CLEC11A: variants seen among roughly 807,000 people sequenced by gnomAD.
CLEC11A encodes the protein C-type lectin domain family 11 member A.
In CLEC11A, 35 loss-of-function variants were observed where a neutral mutation model predicts 33.9. The observed-to-expected ratio is 1.03, with a 90% CI of 0.79 to 1.37. The LOEUF (loss-of-function observed/expected upper bound fraction) is 1.37, where lower values mean the gene tolerates loss of function less well. Ranked by LOEUF, CLEC11A falls within the 40% of genes most tolerant of loss-of-function variation. The pLI is 0.00. For missense variants in CLEC11A, 519 were observed against 455.5 expected, an observed-to-expected ratio of 1.14 and a Z score of -1.27; for synonymous variants, 220 against 202.2, an observed-to-expected ratio of 1.09 and a Z score of -0.75.
At position 50,725,604 on chromosome 19, in the gene CLEC11A, C is replaced by T; in HGVS notation, c.*137C>T. 1 of 1,416,288 alleles carries T rather than the reference C, an allele frequency of 7.1e-7. No individual in the cohort carries two copies. The highest frequency in any genetic ancestry group is 9.3e-7 in the Non-Finnish European group (1 of 1,074,356). The allele number at this position is 1,416,288 out of a possible 1,614,324, so 87.7% of individuals were successfully genotyped here. A position where few individuals can be genotyped will look rare whatever the true frequency, so the allele number is the denominator to read the frequency against. Reference sequence around the variant, plus strand: ...TCCCCGACCCCCAGTCTGGGCGCTTCTGGGAGGGCTCTTGCGGTGCCGGCA... The same window carrying T: ...TCCCCGACCCCCAGTCTGGGCGCTTTTGGGAGGGCTCTTGCGGTGCCGGCA... On this transcript the variant is annotated 3_prime_UTR_variant, in exon 4 of 4. Coordinates refer to ENST00000250340, the MANE Select transcript of CLEC11A (RefSeq NM_002975.3).
chr19:50,724,295 G>GCCC lies in CLEC11A; in HGVS notation c.335-109_335-107dup. 1 of 1,130,926 alleles carries GCCC rather than the reference G, an allele frequency of 8.8e-7. No homozygotes were observed. The highest frequency in any genetic ancestry group is 1.2e-6 in the Non-Finnish European group (1 of 830,042). The allele number at this position is 1,130,926 out of a possible 1,614,324, so 70.1% of individuals were successfully genotyped here. ...ACCCTACCTTCCAGGAGTCCGGGGT[G>GCCC]CCCCCCCCACCGCCACCCCGCCCTC... On this transcript the variant is annotated intron_variant, in intron 2 of 3. Transcript: ENST00000250340. This position sits in a 1 kb window ranked among gnomAD's most constrained non-coding sequence, Gnocchi z 4.1.
rs2089158280 is a variant in CLEC11A, at chr19:50,723,536, C to T, written c.11C>T (p.Ala4Val). The T allele has an allele frequency of 6.2e-7, 1 of 1,612,146 alleles. No homozygotes were observed. Residue 4 changes from alanine to valine, a missense_variant, in exon 1 of 4, where the codon GCC becomes GTC. Ala to Val is a moderately conservative substitution (Grantham distance 64, BLOSUM62 0). Transcript: ENST00000250340. The surrounding 1 kb of genome is among the most constrained non-coding windows in gnomAD (Gnocchi z 4.1). ...CAAGAGTCCAGCTTAATGCAGGCAGCCTGGCTTTTGGGGGCTTTGGTGGTC... is the reference window on the plus strand; with the variant it reads ...CAAGAGTCCAGCTTAATGCAGGCAGTCTGGCTTTTGGGGGCTTTGGTGGTC... MQA[A>V]WLLGALVVPQ... is the part of the protein sequence containing the mutation.
Position 50,725,218 on chromosome 19 carries a change from C to T in CLEC11A, c.723C>T (p.Gly241=). 2 of 1,596,008 alleles carry T rather than the reference C, an allele frequency of 1.3e-6. No homozygotes were observed. The highest frequency in any genetic ancestry group is 1.7e-6 in the Non-Finnish European group (2 of 1,172,538). ...CCTACAACTGGCCCGTGTGGCTGGG[C>T]GTGCACGATCGGCGCGCCGAGGGCC... ...LAPYNWPVWL[G]VHDRRAEGLY... Residue 241 remains glycine (G), a synonymous_variant, in exon 4 of 4, where the codon GGC becomes GGT. Transcript: ENST00000250340.
Position 50,725,322 on chromosome 19 carries a change from C to G in CLEC11A, c.827C>G (p.Pro276Arg), listed in dbSNP as rs780308307. 2 of 1,612,012 alleles carry G rather than the reference C, an allele frequency of 1.2e-6. No individual in the cohort carries two copies. The highest frequency in any genetic ancestry group is 1.7e-6 in the Non-Finnish European group (2 of 1,179,428). The stretch of plus-strand genomic sequence containing the variant: ...CCCCGCCCCGAGCTCGGCGCCCAGC[C>G]CAGCGCCTCGCCGCATCCGCTCAGC... ...RSPRPELGAQ[P>R]SASPHPLSPD... is the part of the protein sequence containing the mutation. The change falls in exon 4 of 4, where the codon CCC becomes CGC. Residue 276 changes from proline (P) to arginine (R), a missense_variant. Coordinates refer to ENST00000250340, the MANE Select transcript of CLEC11A (RefSeq NM_002975.3).
chr19:50,725,608 G>C lies in CLEC11A; in HGVS notation c.*141G>C. 1 of 1,410,952 alleles carries C rather than the reference G, an allele frequency of 7.1e-7. No individual in the cohort carries two copies. The highest frequency in any genetic ancestry group is 2.9e-5 in the Admixed American group (1 of 34,882). 87.4% of individuals were successfully genotyped at this position (1,410,952 alleles called of 1,614,324 possible). A position where few individuals can be genotyped will look rare whatever the true frequency, so the allele number is the denominator to read the frequency against. ...CGACCCCCAGTCTGGGCGCTTCTGG[G>C]AGGGCTCTTGCGGTGCCGGCACTCC... is the stretch of plus-strand genomic sequence containing the variant. On this transcript the variant is annotated 3_prime_UTR_variant, in exon 4 of 4. Transcript: ENST00000250340.
At position 50,723,720 on chromosome 19, in the gene CLEC11A, G is replaced by C; in HGVS notation, c.147+48G>C. 6.5e-7 allele frequency: 1 copy of C among 1,537,386 alleles called. No homozygotes were observed. Among genetic ancestry groups the C allele is most frequent in the South Asian group, 1.3e-5 (1 of 78,414 alleles). The stretch of plus-strand genomic sequence containing the variant: ...GCTATGGGTGGTGAACTGTGGGTCT[G>C]GGAGGGGGTATTGCAAGGTTAGGGA... On this transcript the variant is annotated intron_variant, in intron 1 of 3. Transcript: ENST00000250340. The surrounding 1 kb of genome is among the most constrained non-coding windows in gnomAD (Gnocchi z 4.1).
Position 50,725,226 on chromosome 19 carries a change from A to T in CLEC11A, c.731A>T (p.Asp244Val). The T allele has an allele frequency of 6.3e-7, 1 of 1,599,738 alleles. No individual in the cohort carries two copies. The highest frequency in any genetic ancestry group is 8.5e-7 in the Non-Finnish European group (1 of 1,174,284). ...YNWPVWLGVH[D>V]RRAEGLYLFE... ...TGGCCCGTGTGGCTGGGCGTGCACG[A>T]TCGGCGCGCCGAGGGCCTCTACCTC... is the stretch of plus-strand genomic sequence containing the variant. The change falls in exon 4 of 4, where the codon GAT becomes GTT. Residue 244 changes from aspartate (D) to valine (V), a missense_variant. Transcript: ENST00000250340.
Position 50,725,263 on chromosome 19 carries a change from C to G in CLEC11A, c.768C>G (p.Gly256=). 6.2e-7 allele frequency: 1 copy of G among 1,611,006 alleles called. No homozygotes were observed. Among genetic ancestry groups the G allele is most frequent in the Non-Finnish European group, 8.5e-7 (1 of 1,179,042 alleles). The change falls in exon 4 of 4, where the codon GGC becomes GGG. Residue 256 remains glycine, a synonymous_variant. Coordinates refer to ENST00000250340, the MANE Select transcript of CLEC11A (RefSeq NM_002975.3). The part of the protein sequence containing the change: ...RAEGLYLFEN[G]QRVSFFAWHR... Reference sequence around the variant, plus strand: ...AGGGCCTCTACCTCTTCGAAAACGGCCAGCGCGTGTCCTTCTTCGCCTGGC... The same window carrying G: ...AGGGCCTCTACCTCTTCGAAAACGGGCAGCGCGTGTCCTTCTTCGCCTGGC...
At position 50,725,300 on chromosome 19, in the gene CLEC11A, C is replaced by G. The variant is rs1222838408; in HGVS notation, c.805C>G (p.Arg269Gly). The G allele has an allele frequency of 1.2e-6, 2 of 1,611,976 alleles. No homozygotes were observed. The highest frequency in any genetic ancestry group is 1.1e-5 in the South Asian group (1 of 90,978). Residue 269 changes from arginine (R) to glycine (G), a missense_variant, in exon 4 of 4, where the codon CGC (arginine) becomes GGC (glycine). Coordinates refer to ENST00000250340, the MANE Select transcript of CLEC11A (RefSeq NM_002975.3). ...VSFFAWHRSPRPELGAQPSAS... is the reference protein window; with the variant it reads ...VSFFAWHRSPGPELGAQPSAS... ...CTTCTTCGCCTGGCATCGCTCACCC[C>G]GCCCCGAGCTCGGCGCCCAGCCCAG...
At position 50,725,666 on chromosome 19, in the gene CLEC11A, C is replaced by T; in HGVS notation, c.*199C>T. ...TAGTGTCTTTCCTTGAAGGGGCGGG[C>T]ACCAGGCTAGGTCCGGTGCCAATAA... On this transcript the variant is annotated 3_prime_UTR_variant, in exon 4 of 4. Coordinates refer to ENST00000250340, the MANE Select transcript of CLEC11A (RefSeq NM_002975.3). The T allele has an allele frequency of 1.0e-6, 1 of 996,898 alleles. No homozygotes were observed. Among genetic ancestry groups the T allele is most frequent in the South Asian group, 1.8e-5 (1 of 56,316 alleles). 61.8% of individuals were successfully genotyped at this position (996,898 alleles called of 1,614,324 possible).
Position 50,725,434 on chromosome 19 carries a change from G to C in CLEC11A, c.939G>C (p.Arg313=), listed in dbSNP as rs774541209. 1.2e-6 allele frequency: 2 copies of C among 1,610,084 alleles called. No homozygotes were observed. The highest frequency in any genetic ancestry group is 2.2e-5 in the South Asian group (2 of 90,686). Residue 313 remains arginine (R), a synonymous_variant, in exon 4 of 4, where the codon CGG becomes CGC. Coordinates refer to ENST00000250340, the MANE Select transcript of CLEC11A (RefSeq NM_002975.3). ...CCTGGTGGGACCACGACTGCCAGCG[G>C]CGTCTCTACTACGTCTGCGAGTTCC... ...DGSWWDHDCQ[R]RLYYVCEFPF
rs1174929146 is a variant in CLEC11A at position 50,725,310 on chromosome 19, T to A, written c.815T>A (p.Leu272His). The A allele has an allele frequency of 1.2e-6, 2 of 1,611,664 alleles. No homozygotes were observed. The highest frequency in any genetic ancestry group is 2.7e-5 in the African/African-American group (2 of 74,992). ...FAWHRSPRPELGAQPSASPHP... is the reference protein window; with the variant it reads ...FAWHRSPRPEHGAQPSASPHP... ...TGGCATCGCTCACCCCGCCCCGAGC[T>A]CGGCGCCCAGCCCAGCGCCTCGCCG... Residue 272 changes from leucine (L) to histidine (H), a missense_variant, in exon 4 of 4, where the codon CTC (leucine) becomes CAC (histidine). Coordinates refer to ENST00000250340, the MANE Select transcript of CLEC11A (RefSeq NM_002975.3).
Position 50,724,707 on chromosome 19 carries a change from AGCT to A in CLEC11A, c.526+111_526+113del. ...TGTCCGGGGCGGGAGAGTTCGGGAG[AGCT>A]GCTGTGTGCTAGCGGACGGGGTTAG... On this transcript the variant is annotated intron_variant, in intron 3 of 3. Coordinates refer to ENST00000250340, the MANE Select transcript of CLEC11A (RefSeq NM_002975.3). The surrounding 1 kb of genome is among the most constrained non-coding windows in gnomAD (Gnocchi z 4.1). 1 of 1,240,390 alleles carries A rather than the reference AGCT, an allele frequency of 8.1e-7. No homozygotes were observed. Among genetic ancestry groups the A allele is most frequent in the Non-Finnish European group, 1.1e-6 (1 of 949,418 alleles). 76.8% of individuals were successfully genotyped at this position (1,240,390 alleles called of 1,614,324 possible).
In CLEC11A at chr19:50,725,160, C is replaced by A; in HGVS notation, c.665C>A (p.Ala222Glu). Reference sequence around the variant, plus strand: ...CCGGCAGACCGCCAGCAGATGGAGGCGCTCACTCGGTACCTGCGCGCGGCG... The same window carrying A: ...CCGGCAGACCGCCAGCAGATGGAGGAGCTCACTCGGTACCTGCGCGCGGCG... ...AQPADRQQMEALTRYLRAALA... is the reference protein window; with the variant it reads ...AQPADRQQMEELTRYLRAALA... Residue 222 changes from alanine (A) to glutamate (E), a missense_variant, in exon 4 of 4, where the codon GCG becomes GAG. Transcript: ENST00000250340. 5.7e-6 allele frequency: 9 copies of A among 1,567,986 alleles called. No homozygotes were observed. The highest frequency in any genetic ancestry group is 7.8e-6 in the Non-Finnish European group (9 of 1,158,560).
In CLEC11A at chr19:50,724,441, G is replaced by T; in HGVS notation, c.366G>T (p.Leu122=). 1 of 1,553,662 alleles carries T rather than the reference G, an allele frequency of 6.4e-7. No individual in the cohort carries two copies. Residue 122 remains leucine (L), a synonymous_variant, in exon 3 of 4, where the codon CTG becomes CTT. Transcript: ENST00000250340. The surrounding 1 kb of genome is among the most constrained non-coding windows in gnomAD (Gnocchi z 4.1). ...GCCTGGCCGGCCTGGACGCAGGCCT[G>T]CACCAGCTGCACGTCCGTCTGCACG... ...LGRLAGLDAG[L]HQLHVRLHAL...
At position 50,724,514 on chromosome 19, in the gene CLEC11A, C is replaced by A. The variant is rs1466993942; in HGVS notation, c.439C>A (p.Arg147=). The change falls in exon 3 of 4, where the codon CGG becomes AGG. Residue 147 remains arginine (R), a synonymous_variant. Transcript: ENST00000250340. This position sits in a 1 kb window ranked among gnomAD's most constrained non-coding sequence, Gnocchi z 4.1. The part of the protein sequence containing the change: ...VELTQGLRQL[R]NAAGDTRDAV... ...GCTGACCCAGGGGCTGCGGCAGCTG[C>A]GGAACGCGGCAGGCGACACCCGCGA... 6.4e-7 allele frequency: 1 copy of A among 1,559,936 alleles called. No homozygotes were observed. The highest frequency in any genetic ancestry group is 1.8e-5 in the Admixed American group (1 of 55,466).
In CLEC11A at chr19:50,724,381, C is replaced by T. The variant is rs747948028; in HGVS notation, c.335-29C>T. 2.7e-6 allele frequency: 4 copies of T among 1,479,596 alleles called. No homozygotes were observed. The highest frequency in any genetic ancestry group is 3.6e-6 in the Non-Finnish European group (4 of 1,123,540). 91.7% of individuals were successfully genotyped at this position (1,479,596 alleles called of 1,614,324 possible). On this transcript the variant is annotated intron_variant, in intron 2 of 3. Transcript: ENST00000250340. This position sits in a 1 kb window ranked among gnomAD's most constrained non-coding sequence, Gnocchi z 4.1. The stretch of plus-strand genomic sequence containing the variant: ...CCCCCCGCTGCATCTCCAGGCTCCC[C>T]CTCCAGCATGATCCCTGTCTGTCCG...
Position 50,724,035 on chromosome 19 carries a change from C to T in CLEC11A, c.278C>T (p.Thr93Ile). The T allele has an allele frequency of 6.2e-7, 1 of 1,612,006 alleles. No individual in the cohort carries two copies. Among genetic ancestry groups the T allele is most frequent in the Non-Finnish European group, 8.5e-7 (1 of 1,178,266 alleles). Reference protein sequence around the residue: ...GEEEEEEATPTPSSGPSPSPT... With the variant: ...GEEEEEEATPIPSSGPSPSPT... ...GAAGAGGAGGAGGAAGCAACGCCAA[C>T]CCCATCCTCCGGCCCCAGCCCCTCT... The change falls in exon 2 of 4, where the codon ACC (threonine) becomes ATC (isoleucine). Residue 93 changes from threonine (T) to isoleucine (I), a missense_variant. Transcript: ENST00000250340. The surrounding 1 kb of genome is among the most constrained non-coding windows in gnomAD (Gnocchi z 4.1).
Position 50,724,974 on chromosome 19 carries a change from C to T in CLEC11A, c.527-48C>T. ...TGTTTTGTCCTCGCCCCCTTCCAGA[C>T]TCTGAATGCATGACCCCGCCTCCTT... On this transcript the variant is annotated intron_variant, in intron 3 of 3. Transcript: ENST00000250340. This position sits in a 1 kb window ranked among gnomAD's most constrained non-coding sequence, Gnocchi z 4.1. 2 of 1,435,754 alleles carry T rather than the reference C, an allele frequency of 1.4e-6. No individual in the cohort carries two copies. Among genetic ancestry groups the T allele is most frequent in the Non-Finnish European group, 1.8e-6 (2 of 1,097,868 alleles). The allele number at this position is 1,435,754 out of a possible 1,614,324, so 88.9% of individuals were successfully genotyped here.
Sources: gnomAD v4.1 joint callset for allele counts on GRCh38, gnomAD v4.1.1 for gene constraint, Gnocchi (gnomAD v3.1) non-coding constraint, MANE v1.5 for transcripts, NCBI Gene and HGNC (gene_info 2026-07-23, HGNC 2026-07-21) for gene names.